DMD: variants seen among roughly 807,000 people sequenced by gnomAD.
The protein encoded by DMD is dystrophin, also known as mutant dystrophin.
DMD carries 63 observed loss-of-function variants against 330.1 expected under a neutral mutation model. That is an observed-to-expected ratio of 0.19 (90% CI 0.16 to 0.24). The LOEUF (loss-of-function observed/expected upper bound fraction) is 0.24. Among genes scored for constraint, DMD ranks in the 10% least tolerant of loss-of-function variants. The pLI, the probability that DMD is intolerant of heterozygous loss-of-function variation, is 1.00. For missense variants in DMD, 3,344 were observed against 2,684.1 expected, an observed-to-expected ratio of 1.25 and a Z score of -5.43; for synonymous variants, 1,223 against 959.8, an observed-to-expected ratio of 1.27 and a Z score of -5.07.
At chrX:31,263,660 C>T (rs1440664392) in intron 62 of DMD, among the ~76,000 whole-genome samples, 1 of 111,535 alleles carries the variant, frequency 9.0e-6, no homozygotes, top group Non-Finnish European at 1.9e-5. Context: ...CAAACAATTC[C>T]AGAAGCTAAC....
intron 2 of DMD, among the ~76,000 whole-genome samples, chrX:32,876,644 G>A (rs1049838778): frequency 1.8e-5 from 2 of 111,835 alleles, no homozygotes; most frequent in African/African-American, 3.3e-5. Flanking sequence ...TGAAGTTGTT[G>A]TAGGTTTCCT....
At chrX:32,277,585 A>C (rs767821766) in intron 43 of DMD, among the ~76,000 whole-genome samples, 1 of 111,775 alleles carries the variant, frequency 8.9e-6, no homozygotes, top group South Asian at 3.7e-4. Context: ...AAGCAGTCTT[A>C]AAAATTCAGT....
intron 15 of DMD, 30 bp from the exon 16 acceptor site, chrX:32,565,911 G>A: frequency 8.6e-7 from 1 of 1,163,693 alleles, no homozygotes; most frequent in Non-Finnish European, 1.2e-6. Context: ...CACAGAATAA[G>A]CCTGGGTTGC....
chrX:32,560,193 A>AT (rs1556797126), intron 16 of DMD, among the ~76,000 whole-genome samples: 1 of 109,156 alleles, frequency 9.2e-6, no homozygotes, highest in African/African-American at 3.3e-5. Context: ...CTTGAAAAAA[A>AT]AAATATATAT....
At chrX:32,868,009 C>T in intron 2 of DMD, among the ~76,000 whole-genome samples, 1 of 109,983 alleles carries the variant, frequency 9.1e-6, no homozygotes, top group Non-Finnish European at 1.9e-5. Context: ...GTGAGTGAAT[C>T]CTGCACCAGC....
At position 31,201,113 on chromosome X, in the gene DMD, C is replaced by T. The variant is rs765081192; in HGVS notation, c.9807+2848G>A. ...GGCTGAGGTGGGTGGACAGCTTGAG[C>T]CCAAGAGCTCGAGACCAGCCTAGGC... On this transcript the variant is annotated intron_variant, in intron 67 of 78. Coordinates refer to ENST00000357033, the MANE Select transcript of DMD (RefSeq NM_004006.3). 1.4e-4 allele frequency among the ~76,000 whole-genome samples: 15 copies of T among 108,321 alleles called. No individual in the cohort carries two copies. The East Asian group carries it at 4.1e-3, about 30-fold the overall frequency. The allele number at this position is 108,321 out of a possible 115,157, so 94.1% of individuals were successfully genotyped here. A position where few individuals can be genotyped will look rare whatever the true frequency, so the allele number is the denominator to read the frequency against.
At chrX:31,899,435 A>G (rs781051104) in intron 47 of DMD, among the ~76,000 whole-genome samples, 48 of 110,510 alleles carry the variant, frequency 4.3e-4, no homozygotes, top group African/African-American at 1.5e-3. Context: ...TGGAGGGAGA[A>G]ATCTCATTCG....
At chrX:32,539,318 A>G (rs971388299) in intron 17 of DMD, among the ~76,000 whole-genome samples, 3 of 110,797 alleles carry the variant, frequency 2.7e-5, no homozygotes, top group Non-Finnish European at 5.7e-5. Flanking sequence ...ACCAGTCCTT[A>G]TTTTGCAACT....
At chrX:32,602,000 C>T (rs973908314) in intron 12 of DMD, among the ~76,000 whole-genome samples, 1 of 111,852 alleles carries the variant, frequency 8.9e-6, no homozygotes, top group African/African-American at 3.2e-5. Context: ...TTCTGACTAT[C>T]ATCCTTTCTA....
chrX:31,766,792 G>A (rs1220668896), intron 51 of DMD, among the ~76,000 whole-genome samples: 1 of 110,900 alleles, frequency 9.0e-6, no homozygotes, highest in Non-Finnish European at 1.9e-5. Context: ...TAGTTTATAA[G>A]TTTATGTAGT....
chrX:32,117,837 A>G (rs1224046432), intron 44 of DMD, among the ~76,000 whole-genome samples: 1 of 111,559 alleles, frequency 9.0e-6, no homozygotes, highest in Non-Finnish European at 1.9e-5. Flanking sequence ...ATATGGACCT[A>G]GAAGGATTAT....
At chrX:31,332,732 T>C (rs1168020036) in intron 61 of DMD, among the ~76,000 whole-genome samples, 1 of 112,285 alleles carries the variant, frequency 8.9e-6, no homozygotes, top group East Asian at 2.8e-4. Flanking sequence ...ACAGTCCTTA[T>C]TTTAAAGGTT....
At chrX:32,240,003 C>T (rs2097202100) in intron 43 of DMD, among the ~76,000 whole-genome samples, 1 of 111,209 alleles carries the variant, frequency 9.0e-6, no homozygotes, top group Non-Finnish European at 1.9e-5. Flanking sequence ...TTGTTTTTTT[C>T]CCAATATTTC....
At chrX:32,687,002 T>C (rs1240938919) in intron 9 of DMD, among the ~76,000 whole-genome samples, 1 of 112,085 alleles carries the variant, frequency 8.9e-6, no homozygotes, top group Non-Finnish European at 1.9e-5. Flanking sequence ...ATGAAAGGTG[T>C]AGAGGTTTCA....
intron 78 of DMD, among the ~76,000 whole-genome samples, chrX:31,126,349 C>T (rs756457057): frequency 8.9e-6 from 1 of 111,732 alleles, no homozygotes; most frequent in South Asian, 3.8e-4. Context: ...TTGCAAATGG[C>T]AACAGATGAT....
chrX:33,272,919 A>G (rs752210901), intron 1 of DMD, among the ~76,000 whole-genome samples: 1 of 112,108 alleles, frequency 8.9e-6, no homozygotes, highest in African/African-American at 3.2e-5. Context: ...AATTTAAAAA[A>G]AAACAGTGGA....
intron 47 of DMD, among the ~76,000 whole-genome samples, chrX:31,906,970 A>G (rs189605797): frequency 1.7e-3 from 196 of 112,532 alleles, no homozygotes; most frequent in African/African-American, 6.0e-3. Context: ...TAAGACACAC[A>G]GAAACAGAAA....
At chrX:31,880,821 A>G (rs752543069) in intron 47 of DMD, among the ~76,000 whole-genome samples, 56 of 112,657 alleles carry the variant, frequency 5.0e-4, no homozygotes, top group Non-Finnish European at 8.6e-4. Flanking sequence ...AATACAGCAC[A>G]GACAAGTATG....
intron 7 of DMD, among the ~76,000 whole-genome samples, chrX:32,712,574 A>G (rs1429924420): frequency 9.0e-6 from 1 of 111,655 alleles, no homozygotes; most frequent in Non-Finnish European, 1.9e-5. Flanking sequence ...GCATTTATTT[A>G]TTAGTTAAGC....
Sources: gnomAD v4.1 joint callset for allele counts (sites outside exome capture counted in the v4.1 genomes callset) on GRCh38, gnomAD v4.1.1 for gene constraint, MANE v1.5 for transcripts, NCBI Gene and HGNC (gene_info 2026-07-23, HGNC 2026-07-21) for gene names.